Variants in SEC23B observed in about 807,000 individuals in gnomAD.
SEC23B encodes the protein SEC23 homolog B, COPII component.
SEC23B carries 77 observed loss-of-function variants against 104.3 expected under a neutral mutation model. The ratio of observed to expected loss-of-function variants is 0.74; its 90% CI spans 0.61 to 0.89. The LOEUF is 0.89. Ranked by LOEUF, SEC23B falls within the 40% of genes least tolerant of loss-of-function variation. The pLI is 0.00. For synonymous variants in SEC23B, 338 were observed against 332.5 expected (o/e 1.02, Z -0.18); for missense variants, 885 against 949.4 (o/e 0.93, Z 0.89).
chr20:18,511,087 A>G (rs1180192968), intron 2 of SEC23B, 31 bp downstream of exon 2: 2 of 1,477,872 alleles, frequency 1.4e-6, no homozygotes, highest in Non-Finnish European at 1.9e-6. Flanking sequence ...GGTAAAAATG[A>G]TAAATACAAT....
intron 2 of SEC23B, among the ~76,000 whole-genome samples, chr20:18,511,783 G>A (rs2059984137): frequency 6.6e-6 from 1 of 152,156 alleles, no homozygotes; most frequent in Admixed American, 6.5e-5. Context: ...TTCTTAAAAT[G>A]GGCTAAGTCA....
intron 8 of SEC23B, among the ~76,000 whole-genome samples, chr20:18,527,051 TAC>T (rs1206975824): frequency 3.3e-5 from 5 of 152,194 alleles, no homozygotes; most frequent in Admixed American, 2.6e-4. Context: ...CGCCTGTCTG[TAC>T]TAAAAATACA....
intron 4 of SEC23B, among the ~76,000 whole-genome samples, chr20:18,520,302 A>G (rs920121813): frequency 6.6e-6 from 1 of 152,210 alleles, no homozygotes; most frequent in East Asian, 1.9e-4. Flanking sequence ...GCGAGTGATA[A>G]CAGGCTTTAA....
intron 4 of SEC23B, among the ~76,000 whole-genome samples, chr20:18,523,359 A>G (rs1053834156): frequency 5.1e-5 from 7 of 138,182 alleles, no homozygotes; most frequent in African/African-American, 1.9e-4. Context: ...CTCAAACATT[A>G]CTTTCTTTTT....
In SEC23B at chr20:18,554,973, TA is replaced by T; in HGVS notation, c.2149-133del. On this transcript the variant is annotated intron_variant, in intron 18 of 19. Transcript: ENST00000650089. ...AGATTACTGTGCAGTAAAACAATTC[TA>T]ATTAGATTACTGTGCAGTAAAACAA... The T allele has an allele frequency of 1.9e-4, 13 of 69,778 alleles. 6 individuals are homozygous for T. Among genetic ancestry groups the T allele is most frequent in the Non-Finnish European group, 3.5e-4 (8 of 22,894 alleles). 4.3% of individuals were successfully genotyped at this position (69,778 alleles called of 1,614,324 possible). A position where few individuals can be genotyped will look rare whatever the true frequency, so the allele number is the denominator to read the frequency against.
At chr20:18,525,080 A>T in intron 6 of SEC23B, 60 bp downstream of exon 6, 1 of 1,363,068 alleles carries the variant, frequency 7.3e-7, no homozygotes, top group Non-Finnish European at 1.0e-6. Context: ...GATCCATGGG[A>T]GTAAGGGAAG....
intron 3 of SEC23B, among the ~76,000 whole-genome samples, chr20:18,514,580 C>T (rs1214740454): frequency 1.3e-5 from 2 of 152,188 alleles, no homozygotes; most frequent in African/African-American, 4.8e-5. Flanking sequence ...AGATGCACCT[C>T]AACTTGTATT....
At chr20:18,515,420 C>T (rs1394596115) in intron 3 of SEC23B, among the ~76,000 whole-genome samples, 2 of 152,068 alleles carry the variant, frequency 1.3e-5, no homozygotes, top group East Asian at 1.9e-4. Flanking sequence ...AAGTGATCCT[C>T]CCACCTCAGC....
At chr20:18,553,190 A>G (rs1207043083) in intron 17 of SEC23B, among the ~76,000 whole-genome samples, 1 of 152,244 alleles carries the variant, frequency 6.6e-6, no homozygotes, top group Admixed American at 6.5e-5. Context: ...TCACCTTCCC[A>G]AAGTCCTGAG....
intron 19 of SEC23B, among the ~76,000 whole-genome samples, chr20:18,555,712 G>A (rs894871638): frequency 2.0e-5 from 3 of 151,924 alleles, no homozygotes; most frequent in African/African-American, 7.3e-5. Context: ...ACATATAGTT[G>A]TAAGAAATAA....
In SEC23B at chr20:18,560,859, A is replaced by T. The variant is rs1283814354; in HGVS notation, c.*119A>T. 5.3e-6 allele frequency: 4 copies of T among 760,072 alleles called. No homozygotes were observed. The highest frequency in any genetic ancestry group is 2.5e-5 in the East Asian group (1 of 39,806). 47.1% of individuals were successfully genotyped at this position (760,072 alleles called of 1,614,324 possible). A position where few individuals can be genotyped will look rare whatever the true frequency, so the allele number is the denominator to read the frequency against. ...TTTAACAAATAATCAAGGACATTTT[A>T]TATGTAACTCTTTAGATTATAATTT... On this transcript the variant is annotated 3_prime_UTR_variant, in exon 20 of 20. Coordinates refer to ENST00000650089, the MANE Select transcript of SEC23B (RefSeq NM_006363.6).
At chr20:18,512,403 G>A in intron 3 of SEC23B, 121 bp downstream of exon 3, 1 of 654,094 alleles carries the variant, frequency 1.5e-6, no homozygotes, top group Non-Finnish European at 2.8e-6. Context: ...AACTCAGGGT[G>A]ATAACTTTTG....
chr20:18,523,023 C>T (rs975953589), intron 4 of SEC23B, among the ~76,000 whole-genome samples: 4 of 151,590 alleles, frequency 2.6e-5, no homozygotes, highest in Admixed American at 6.6e-5. Context: ...GCCGAGATCG[C>T]GCCACTGCAC....
chr20:18,509,592 GTC>G (rs1452151621), intron 1 of SEC23B: 1 of 150,026 alleles, frequency 6.7e-6, no homozygotes, highest in Non-Finnish European at 1.5e-5. Flanking sequence ...ACTGACCACA[GTC>G]TTCATTTTTT....
chr20:18,558,923 T>C (rs1414416722), intron 19 of SEC23B, among the ~76,000 whole-genome samples: 1 of 152,240 alleles, frequency 6.6e-6, no homozygotes, highest in East Asian at 1.9e-4. Flanking sequence ...ACTTGTCTTT[T>C]TTAATTCAGG....
chr20:18,538,249 CTTTT>C (rs34866001), intron 12 of SEC23B, among the ~76,000 whole-genome samples: 2 of 114,636 alleles, frequency 1.7e-5, no homozygotes, highest in Non-Finnish European at 1.9e-5. Context: ...CTGGGAATTT[CTTTT>C]TTTTTTTTTT....
chr20:18,549,920 G>A (rs1175536022), intron 16 of SEC23B, among the ~76,000 whole-genome samples: 1 of 151,830 alleles, frequency 6.6e-6, no homozygotes, highest in Non-Finnish European at 1.5e-5. Context: ...GCTGCAGTGA[G>A]TTGAGATCGC....
At chr20:18,554,923 G>A (rs2060421958) in intron 18 of SEC23B, among the ~76,000 whole-genome samples, 185 bp from the exon 19 acceptor site, 1 of 151,668 alleles carries the variant, frequency 6.6e-6, no homozygotes, top group Non-Finnish European at 1.5e-5. Context: ...TAAATGGAGA[G>A]CCAGTGGGCT....
At chr20:18,541,801 GAC>G (rs1272709900) in intron 12 of SEC23B, among the ~76,000 whole-genome samples, 3 of 152,186 alleles carry the variant, frequency 2.0e-5, no homozygotes, top group Non-Finnish European at 4.4e-5. Flanking sequence ...ACTGAACTGT[GAC>G]ACAGAGACAT....
Sources: allele counts gnomAD v4.1 joint callset (sites outside exome capture counted in the v4.1 genomes callset), GRCh38; gene constraint gnomAD v4.1.1; transcripts MANE v1.5; gene names NCBI Gene and HGNC (gene_info 2026-07-23, HGNC 2026-07-21).